METTL25: variants seen among roughly 807,000 people sequenced by gnomAD.
METTL25 encodes the protein probable methyltransferase-like protein 25.
A neutral mutation model predicts 71.6 loss-of-function variants in METTL25; 64 were observed. That is an observed-to-expected ratio of 0.89 (90% CI 0.73 to 1.10). The LOEUF (loss-of-function observed/expected upper bound fraction) is 1.10. Ranked by LOEUF, METTL25 falls within the 50% of genes least tolerant of loss-of-function variation. The probability of loss-of-function intolerance (pLI) is 0.00; values close to 1 mark genes in which losing one functional copy is unlikely to be tolerated. For synonymous variants in METTL25, 287 were observed against 250.3 expected, an observed-to-expected ratio of 1.15 and a Z score of -1.38; for missense variants, 807 against 707.0, an observed-to-expected ratio of 1.14 and a Z score of -1.60.
Position 82,403,109 on chromosome 12 carries a change from G to A in METTL25, c.1258G>A (p.Glu420Lys). The change falls in exon 5 of 12, where the codon GAA (glutamate) becomes AAA (lysine). Residue 420 changes from glutamate (E) to lysine (K), a missense_variant. By Grantham distance (56) the Glu-to-Lys change is moderately conservative. Coordinates refer to ENST00000248306, the MANE Select transcript of METTL25 (RefSeq NM_032230.3). ...VGCCYHLLSE[E>K]FENQHKERTQ... is the part of the protein sequence containing the mutation. ...TTGTTGCTACCACCTCTTATCTGAA[G>A]AATTTGAAAACCAGCATAAAGGTAC... The A allele has an allele frequency of 6.2e-7, 1 of 1,611,816 alleles. No individual in the cohort carries two copies. The highest frequency in any genetic ancestry group is 8.5e-7 in the Non-Finnish European group (1 of 1,179,070).
rs532573045 is a variant in METTL25 at position 82,464,885 on chromosome 12, G to T, written c.1572+8065G>T. ...CTTTATAGCTATTGTAAATGGAATT[G>T]ACTTCTTGATTTTTTTTAATCTAGT... On this transcript the variant is annotated intron_variant, in intron 9 of 11. Transcript: ENST00000248306. 1.4e-4 allele frequency among the ~76,000 whole-genome samples: 4 copies of T among 28,576 alleles called. No homozygotes were observed. The East Asian group carries it at 0.012, about 89-fold the overall frequency. 18.7% of individuals were successfully genotyped at this position (28,576 alleles called of 152,430 possible). A position where few individuals can be genotyped will look rare whatever the true frequency, so the allele number is the denominator to read the frequency against.
At chr12:82,456,869 AT>A in intron 9 of METTL25, 49 bp downstream of exon 9, 3 of 895,510 alleles carry the variant, frequency 3.4e-6, no homozygotes, top group Non-Finnish European at 4.9e-6. Context: ...AAGAACTTCT[AT>A]TTTGTAATGA....
chr12:82,475,396 A>G (rs1287137431), intron 9 of METTL25, among the ~76,000 whole-genome samples: 1 of 152,154 alleles, frequency 6.6e-6, no homozygotes, highest in African/African-American at 2.4e-5. Context: ...GGTTCTGTAC[A>G]AAGTGGGAGA....
chr12:82,409,667 A>AT (rs2137054144), intron 5 of METTL25, among the ~76,000 whole-genome samples: 1 of 152,188 alleles, frequency 6.6e-6, no homozygotes, highest in South Asian at 2.1e-4. Flanking sequence ...GACCCAGGGC[A>AT]TCTTCTAGTA....
At chr12:82,439,394 C>T (rs979057013) in intron 8 of METTL25, among the ~76,000 whole-genome samples, 1 of 151,734 alleles carries the variant, frequency 6.6e-6, no homozygotes, top group African/African-American at 2.4e-5. Context: ...GTAATTCTGG[C>T]ATGCTTTATG....
At chr12:82,400,319 G>A (rs1205665718) in intron 4 of METTL25, among the ~76,000 whole-genome samples, 1 of 149,548 alleles carries the variant, frequency 6.7e-6, no homozygotes, top group Non-Finnish European at 1.5e-5. Flanking sequence ...GTGACAGAGC[G>A]AGACGGTGTC....
intron 3 of METTL25, among the ~76,000 whole-genome samples, chr12:82,393,645 T>G (rs1358225337): frequency 6.6e-6 from 1 of 152,058 alleles, no homozygotes; most frequent in Non-Finnish European, 1.5e-5. Context: ...GGCTAGGACC[T>G]CCAATACTAT....
chr12:82,390,028 A>G (rs1885427595), intron 3 of METTL25, 106 bp downstream of exon 3: 1 of 664,284 alleles, frequency 1.5e-6, no homozygotes. Flanking sequence ...ATGTCATTAA[A>G]TAATAGCATC....
chr12:82,426,864 A>G (rs1012296142), intron 5 of METTL25, among the ~76,000 whole-genome samples: 3 of 151,812 alleles, frequency 2.0e-5, no homozygotes, highest in Non-Finnish European at 2.9e-5. Context: ...TCCCATGGAA[A>G]AATTTTCACC....
chr12:82,360,276 T>C (rs533849489), intron 1 of METTL25, among the ~76,000 whole-genome samples: 42 of 152,314 alleles, frequency 2.8e-4, no homozygotes, highest in Admixed American at 9.2e-4. Flanking sequence ...TGATATTTAC[T>C]ATATACCCTG....
chr12:82,376,414 A>G (rs7298695), intron 1 of METTL25, among the ~76,000 whole-genome samples: 151,847 of 152,352 alleles, frequency 1, 75,674 homozygotes, highest in Middle Eastern at 1. Context: ...TTCTTCATTT[A>G]TAATTTTATT....
At chr12:82,466,224 A>G (rs2137286955) in intron 9 of METTL25, among the ~76,000 whole-genome samples, 1 of 151,030 alleles carries the variant, frequency 6.6e-6, no homozygotes, top group Non-Finnish European at 1.5e-5. Context: ...GTAGTTAGTT[A>G]TTGCTGTAAA....
intron 1 of METTL25, among the ~76,000 whole-genome samples, chr12:82,375,176 C>T (rs1048745740): frequency 1.3e-5 from 2 of 152,210 alleles, no homozygotes; most frequent in Non-Finnish European, 2.9e-5. Context: ...GAATATGCTC[C>T]TCCAAATTCA....
chr12:82,393,639 A>G (rs535554605), intron 3 of METTL25, among the ~76,000 whole-genome samples: 3 of 152,034 alleles, frequency 2.0e-5, no homozygotes, highest in Non-Finnish European at 4.4e-5. Context: ...TGCTCTGGCT[A>G]GGACCTCCAA....
At chr12:82,478,446 T>C (rs1393032122) in intron 11 of METTL25, among the ~76,000 whole-genome samples, 3 of 151,782 alleles carry the variant, frequency 2.0e-5, no homozygotes, top group Non-Finnish European at 4.4e-5. Flanking sequence ...ATTTAATAGC[T>C]TCAACTATTA....
intron 4 of METTL25, 139 bp from the exon 5 acceptor site, chr12:82,402,844 C>T (rs920342788): frequency 8.0e-5 from 45 of 565,200 alleles, no homozygotes; most frequent in East Asian, 4.9e-4. Context: ...GTCAGTAGCA[C>T]GTGATATTCG....
At chr12:82,435,943 T>C (rs1889884596) in intron 7 of METTL25, among the ~76,000 whole-genome samples, 1 of 151,478 alleles carries the variant, frequency 6.6e-6, no homozygotes, top group Non-Finnish European at 1.5e-5. Context: ...GTACTCTTAC[T>C]ATCCCATGAT....
intron 5 of METTL25, among the ~76,000 whole-genome samples, chr12:82,419,615 A>C (rs1327640091): frequency 6.6e-6 from 1 of 152,048 alleles, no homozygotes; most frequent in Non-Finnish European, 1.5e-5. Context: ...AAAAGTGCTC[A>C]ACATTACTGA....
intron 1 of METTL25, among the ~76,000 whole-genome samples, chr12:82,375,855 A>T (rs1047517859): frequency 6.6e-6 from 1 of 152,220 alleles, no homozygotes; most frequent in African/African-American, 2.4e-5. Flanking sequence ...GGTTACCCTT[A>T]TATCCCAATT....
Sources: allele counts gnomAD v4.1 joint callset (sites outside exome capture counted in the v4.1 genomes callset), GRCh38; gene constraint gnomAD v4.1.1; transcripts MANE v1.5; gene names NCBI Gene and HGNC (gene_info 2026-07-23, HGNC 2026-07-21).